The following TMEM232 variants were observed in gnomAD, a reference collection of about 807,000 sequenced individuals.
TMEM232 encodes transmembrane protein 232.
TMEM232 carries 80 observed loss-of-function variants against 78.8 expected under a neutral mutation model. That is an observed-to-expected ratio of 1.01 (90% CI 0.85 to 1.22). The LOEUF (loss-of-function observed/expected upper bound fraction) is 1.22, where lower values mean the gene tolerates loss of function less well. Among genes scored for constraint, TMEM232 ranks in the 50% most tolerant of loss-of-function variants. The probability of loss-of-function intolerance (pLI) is 0.00; values close to 1 mark genes in which losing one functional copy is unlikely to be tolerated. For synonymous variants in TMEM232, 297 were observed against 254.3 expected (o/e 1.17, Z -1.60); for missense variants, 881 against 742.2 (o/e 1.19, Z -2.17).
Position 110,638,315 on chromosome 5 carries a change from GGAA to G in TMEM232, c.381_383del (p.Ser128del). On this transcript the variant is annotated inframe_deletion, in exon 5 of 14. Coordinates refer to ENST00000455884, the MANE Select transcript of TMEM232 (RefSeq NM_001039763.4). Reference sequence around the variant, plus strand: ...AGGCAGGCAGATGATCATAATCAAAGGAAGCATGGTCCAGAGATGCATAAAGCA... The same window carrying G: ...AGGCAGGCAGATGATCATAATCAAAGGCATGGTCCAGAGATGCATAAAGCA... The G allele has an allele frequency of 6.4e-7, 1 of 1,550,644 alleles. No homozygotes were observed. Among genetic ancestry groups the G allele is most frequent in the African/African-American group, 1.4e-5 (1 of 73,052 alleles).
At chr5:110,709,201 T>C (rs1796231378) in intron 1 of TMEM232, among the ~76,000 whole-genome samples, 2 of 152,096 alleles carry the variant, frequency 1.3e-5, no homozygotes, top group African/African-American at 2.4e-5. Flanking sequence ...GAAATATATA[T>C]GCACCTAAAA....
At chr5:110,444,357 C>T (rs1052701788) in intron 12 of TMEM232, among the ~76,000 whole-genome samples, 3 of 152,058 alleles carry the variant, frequency 2.0e-5, no homozygotes, top group South Asian at 2.1e-4. Context: ...AGGGCTGCAC[C>T]GAGTTCAACC....
At chr5:110,651,013 TAAA>T (rs574975138) in intron 2 of TMEM232, among the ~76,000 whole-genome samples, 1 of 152,096 alleles carries the variant, frequency 6.6e-6, no homozygotes, top group East Asian at 1.9e-4. Flanking sequence ...TGGGAGGTGA[TAAA>T]AAATCACTTC....
At chr5:110,689,024 T>C (rs889917976) in intron 1 of TMEM232, among the ~76,000 whole-genome samples, 4 of 152,212 alleles carry the variant, frequency 2.6e-5, no homozygotes, top group Non-Finnish European at 5.9e-5. Context: ...GACCCTTTTG[T>C]TTTTGTGAAA....
intron 12 of TMEM232, among the ~76,000 whole-genome samples, chr5:110,485,060 A>G (rs974328081): frequency 2.0e-5 from 3 of 152,182 alleles, no homozygotes; most frequent in African/African-American, 4.8e-5. Flanking sequence ...TATAGCCACT[A>G]TGGAAACAGT....
At chr5:110,608,488 A>C (rs1781779782) in intron 8 of TMEM232, among the ~76,000 whole-genome samples, 1 of 151,820 alleles carries the variant, frequency 6.6e-6, no homozygotes. Context: ...AGAGTTCGTA[A>C]AACTTCTTTT....
In TMEM232 at chr5:110,589,906, T is replaced by C. The variant is rs115527821; in HGVS notation, c.1276+15203A>G. On this transcript the variant is annotated intron_variant, in intron 10 of 13. Transcript: ENST00000455884. ...ATTTTCTTCACATTCCCTCATAGTT[T>C]TTCAGCTCAAAATAATCTCTTCTTT... Among the ~76,000 whole-genome samples the C allele has an allele frequency of 2.8e-3, 425 of 152,294 alleles. 2 individuals are homozygous for C. Among genetic ancestry groups the C allele is most frequent in the Non-Finnish European group, 4.4e-3 (296 of 68,024 alleles).
intron 12 of TMEM232, among the ~76,000 whole-genome samples, chr5:110,527,074 T>C (rs1581086700): frequency 6.6e-6 from 1 of 151,858 alleles, no homozygotes; most frequent in East Asian, 1.9e-4. Context: ...AAATTACTGA[T>C]GTTATTACCG....
downstream of TMEM232, among the ~76,000 whole-genome samples, chr5:110,419,404 A>G (rs1311367800): frequency 6.6e-6 from 1 of 152,206 alleles, no homozygotes; most frequent in Non-Finnish European, 1.5e-5. Flanking sequence ...AAAGAATGAT[A>G]CTTAAATTCA....
chr5:110,404,115 A>G (rs988175460), intron 2 of TMEM232, among the ~76,000 whole-genome samples: 2 of 151,986 alleles, frequency 1.3e-5, no homozygotes, highest in Admixed American at 1.3e-4. Context: ...CGCCATTTTT[A>G]TTTCAAAATG....
chr5:110,504,706 G>C (rs1766666859), intron 12 of TMEM232, among the ~76,000 whole-genome samples: 1 of 152,224 alleles, frequency 6.6e-6, no homozygotes, highest in Admixed American at 6.5e-5. Context: ...TTTACTCACA[G>C]AAGGGTTAGC....
chr5:110,483,724 A>C (rs909872197), intron 12 of TMEM232, among the ~76,000 whole-genome samples: 10 of 151,940 alleles, frequency 6.6e-5, no homozygotes, highest in African/African-American at 2.4e-4. Flanking sequence ...CGTTGTGCAC[A>C]TGTACCCTAA....
At chr5:110,589,168 G>A (rs1329831434) in intron 10 of TMEM232, among the ~76,000 whole-genome samples, 2 of 152,020 alleles carry the variant, frequency 1.3e-5, no homozygotes, top group Non-Finnish European at 2.9e-5. Flanking sequence ...GGATGCATAC[G>A]GGTCTGTAAC....
At chr5:110,504,971 CA>C (rs1315118974) in intron 12 of TMEM232, among the ~76,000 whole-genome samples, 1 of 152,150 alleles carries the variant, frequency 6.6e-6, no homozygotes, top group African/African-American at 2.4e-5. Context: ...TATTTTTCCT[CA>C]AAAAAATTAA....
At chr5:110,650,355 G>A (rs1788137004) in intron 2 of TMEM232, among the ~76,000 whole-genome samples, 1 of 151,980 alleles carries the variant, frequency 6.6e-6, no homozygotes, top group African/African-American at 2.4e-5. Flanking sequence ...AGTAGAAATT[G>A]ATACAAATGA....
rs955974824 is a variant in TMEM232 at position 110,392,950 on chromosome 5, G to A, written n.391-2310C>T. 2.0e-5 allele frequency among the ~76,000 whole-genome samples: 3 copies of A among 152,104 alleles called. No individual in the cohort carries two copies. In the South Asian group the frequency reaches 6.2e-4, roughly 32 times the overall value. On this transcript the variant is annotated intron_variant and non_coding_transcript_variant, in intron 3 of 8. Coordinates refer to the TMEM232 transcript ENST00000507188. ...AATGCAATACCTAATATTTAAAAGT[G>A]AGTCACTTAATGTTCATGAATTTGG...
intron 12 of TMEM232, among the ~76,000 whole-genome samples, chr5:110,470,261 T>C (rs1483380016): frequency 1.3e-5 from 2 of 152,158 alleles, no homozygotes; most frequent in East Asian, 1.9e-4. Flanking sequence ...GTCAGAGTTA[T>C]AGCTACAACC....
Position 110,650,327 on chromosome 5 carries a change from A to C in TMEM232, c.126-7956T>G, listed in dbSNP as rs573111726. Among the ~76,000 whole-genome samples, 4 of 152,186 alleles carry C rather than the reference A, an allele frequency of 2.6e-5. No homozygotes were observed. The East Asian group carries it at 5.8e-4, about 22-fold the overall frequency. On this transcript the variant is annotated intron_variant, in intron 2 of 13. Transcript: ENST00000455884. ...ATACTTCTATTTTTAACATATTCAG[A>C]ATTTCAAAATGTTGAGAAGTAGAAA...
At chr5:110,702,034 TTTTAGG>T (rs1188135946) in intron 1 of TMEM232, among the ~76,000 whole-genome samples, 1 of 150,992 alleles carries the variant, frequency 6.6e-6, no homozygotes, top group East Asian at 1.9e-4. Flanking sequence ...CTAAGGGGGG[TTTTAGG>T]TTTAGCTGGC....
Sources: gnomAD v4.1 joint callset for allele counts (sites outside exome capture counted in the v4.1 genomes callset) on GRCh38, gnomAD v4.1.1 for gene constraint, MANE v1.5 for transcripts, NCBI Gene and HGNC (gene_info 2026-07-23, HGNC 2026-07-21) for gene names.